CENPU: variants seen among roughly 807,000 people sequenced by gnomAD.
CENPU encodes centromere protein U.
Under a neutral mutation model 56.7 loss-of-function variants are expected in CENPU, and 46 were observed. The ratio of observed to expected loss-of-function variants is 0.81; its 90% CI spans 0.64 to 1.04. The LOEUF (loss-of-function observed/expected upper bound fraction) is 1.04. Among genes scored for constraint, CENPU ranks in the 50% least tolerant of loss-of-function variants. The pLI, the probability that CENPU is intolerant of heterozygous loss-of-function variation, is 0.00. For missense variants in CENPU, 510 were observed against 490.1 expected, an observed-to-expected ratio of 1.04 and a Z score of -0.38; for synonymous variants, 166 against 163.0, an observed-to-expected ratio of 1.02 and a Z score of -0.14.
At chr4:184,701,237 CTCT>C (rs1760524646) in intron 10 of CENPU, among the ~76,000 whole-genome samples, 3 of 152,152 alleles carry the variant, frequency 2.0e-5, no homozygotes, top group African/African-American at 7.2e-5. Context: ...TTGTGATCCA[CTCT>C]GTATTTTAAA....
At chr4:184,732,777 G>A (rs1761695760) in intron 1 of CENPU, among the ~76,000 whole-genome samples, 1 of 152,106 alleles carries the variant, frequency 6.6e-6, no homozygotes, top group South Asian at 2.1e-4. Flanking sequence ...CCCCAGGAGG[G>A]CGGATCACGA....
intron 4 of CENPU, among the ~76,000 whole-genome samples, chr4:184,721,512 T>C (rs1461256928): frequency 1.5e-5 from 2 of 137,616 alleles, no homozygotes; most frequent in African/African-American, 2.8e-5. Flanking sequence ...AAGAAACACA[T>C]TTCACCTATA....
chr4:184,705,573 T>C (rs1290179316), intron 8 of CENPU, among the ~76,000 whole-genome samples: 1 of 142,538 alleles, frequency 7.0e-6, no homozygotes, highest in Non-Finnish European at 1.5e-5. Context: ...AAAGAAGACA[T>C]TTAATTAAAA....
intron 3 of CENPU, among the ~76,000 whole-genome samples, chr4:184,727,562 G>A (rs1039885713): frequency 6.6e-6 from 1 of 152,162 alleles, no homozygotes; most frequent in African/African-American, 2.4e-5. Flanking sequence ...TACTGCCATG[G>A]AATTGTAAAG....
At chr4:184,731,673 C>CG (rs987949326) in intron 1 of CENPU, among the ~76,000 whole-genome samples, 57 of 152,048 alleles carry the variant, frequency 3.7e-4, no homozygotes, top group Non-Finnish European at 7.6e-4. Flanking sequence ...TACAAGGGTA[C>CG]GGGGGGGATA....
At chr4:184,697,021 C>T (rs1344159205) in intron 12 of CENPU, among the ~76,000 whole-genome samples, 1 of 151,906 alleles carries the variant, frequency 6.6e-6, no homozygotes, top group Non-Finnish European at 1.5e-5. Context: ...GCTGGGACTA[C>T]AGGCATACAC....
chr4:184,732,866 G>A (rs1160644825), intron 1 of CENPU, among the ~76,000 whole-genome samples: 1 of 152,102 alleles, frequency 6.6e-6, no homozygotes, highest in East Asian at 1.9e-4. Context: ...GCTGGACGTG[G>A]GGGCGAGCGC....
intron 8 of CENPU, among the ~76,000 whole-genome samples, chr4:184,707,177 C>T (rs1004217912): frequency 6.6e-6 from 1 of 151,026 alleles, no homozygotes; most frequent in African/African-American, 2.5e-5. Flanking sequence ...CCCAAGCTCA[C>T]CCAGAACTAC....
intron 8 of CENPU, among the ~76,000 whole-genome samples, chr4:184,709,342 C>G (rs545616595): frequency 3.9e-5 from 6 of 151,944 alleles, no homozygotes; most frequent in Non-Finnish European, 7.4e-5. Flanking sequence ...CAAAAATTAG[C>G]TGGGCGGGGT....
intron 6 of CENPU, among the ~76,000 whole-genome samples, chr4:184,715,893 C>A (rs895541364): frequency 1.7e-4 from 26 of 151,610 alleles, no homozygotes; most frequent in Admixed American, 3.3e-4. Flanking sequence ...TATGGAATTA[C>A]AGATGATTTT....
intron 6 of CENPU, chr4:184,713,915 C>CT (rs1195064204): frequency 6.6e-6 from 1 of 152,204 alleles, no homozygotes; most frequent in Non-Finnish European, 1.5e-5. Context: ...GGGGGGTGTC[C>CT]TAAGAGTCCT....
chr4:184,730,474 G>T (rs565648642), intron 2 of CENPU, among the ~76,000 whole-genome samples: 63 of 139,244 alleles, frequency 4.5e-4, no homozygotes, highest in Middle Eastern at 3.8e-3. Context: ...CAAGCCACTG[G>T]AAAAAAAAAC....
chr4:184,732,209 CTAAG>C (rs1469899219), intron 1 of CENPU, among the ~76,000 whole-genome samples: 2 of 151,580 alleles, frequency 1.3e-5, no homozygotes, highest in Admixed American at 6.6e-5. Flanking sequence ...CACACGTGTA[CTAAG>C]TGTGATGTAA....
Position 184,713,019 on chromosome 4 carries a change from A to C in CENPU, c.619-6T>G, listed in dbSNP as rs1046824571. On this transcript the variant is annotated splice_polypyrimidine_tract_variant and splice_region_variant and intron_variant, in intron 6 of 12. Coordinates refer to ENST00000281453, the MANE Select transcript of CENPU (RefSeq NM_024629.4). ...TTCCCTTTTTTCTGAGTTTTCTACA[A>C]AAAAAAAAAGCATTAAGTTTTTAAG... 5 of 1,295,664 alleles carry C rather than the reference A, an allele frequency of 3.9e-6. No individual in the cohort carries two copies. Among genetic ancestry groups the C allele is most frequent in the Non-Finnish European group, 3.1e-6 (3 of 970,912 alleles). The allele number at this position is 1,295,664 out of a possible 1,614,324, so 80.3% of individuals were successfully genotyped here. A position where few individuals can be genotyped will look rare whatever the true frequency, so the allele number is the denominator to read the frequency against.
chr4:184,726,976 G>C (rs1434625942), intron 3 of CENPU, among the ~76,000 whole-genome samples: 5 of 9,578 alleles, frequency 5.2e-4, no homozygotes, highest in Non-Finnish European at 2.1e-3. Flanking sequence ...CTGGGGGGTG[G>C]GGGGGGGGGG....
At chr4:184,709,215 G>A (rs1466187432) in intron 8 of CENPU, among the ~76,000 whole-genome samples, 1 of 152,170 alleles carries the variant, frequency 6.6e-6, no homozygotes, top group African/African-American at 2.4e-5. Flanking sequence ...CTGGCCGGGT[G>A]CAGTGGCTCA....
At chr4:184,699,116 A>G (rs1181026921) in intron 11 of CENPU, among the ~76,000 whole-genome samples, 4 of 152,072 alleles carry the variant, frequency 2.6e-5, no homozygotes, top group Admixed American at 2.6e-4. Flanking sequence ...TCACGAGGTC[A>G]GGAGATCCAG....
Position 184,702,125 on chromosome 4 carries a change from G to C in CENPU, c.888C>G (p.Ser296Arg), listed in dbSNP as rs181364548. ...KEQFIKMLKE[S>R]QMLTNLKRKN... Reference sequence around the variant, plus strand: ...TCCTTTTCAGATTTGTCAACATCTGGCTTTCTTTAAGCTACACAAAACAAA... The same window carrying C: ...TCCTTTTCAGATTTGTCAACATCTGCCTTTCTTTAAGCTACACAAAACAAA... Residue 296 changes from serine (S) to arginine (R), a missense_variant, in exon 10 of 13, where the codon AGC (serine) becomes AGG (arginine). Coordinates refer to ENST00000281453, the MANE Select transcript of CENPU (RefSeq NM_024629.4). 1 of 1,607,386 alleles carries C rather than the reference G, an allele frequency of 6.2e-7. No individual in the cohort carries two copies. Among genetic ancestry groups the C allele is most frequent in the East Asian group, 2.2e-5 (1 of 44,788 alleles).
chr4:184,694,367 C>T lies in CENPU; in HGVS notation c.*921G>A. On this transcript the variant is annotated 3_prime_UTR_variant, in exon 13 of 13. Coordinates refer to ENST00000281453, the MANE Select transcript of CENPU (RefSeq NM_024629.4). ...ACGTTTGAATCAGTGCACTCATTCC[C>T]ACGGTGAGATATCGGAGACAGCATT... 1.3e-5 allele frequency: 18 copies of T among 1,408,924 alleles called. No individual in the cohort carries two copies. The highest frequency in any genetic ancestry group is 1.6e-5 in the South Asian group (1 of 60,884). 87.3% of individuals were successfully genotyped at this position (1,408,924 alleles called of 1,614,324 possible).
Sources: allele counts gnomAD v4.1 joint callset (sites outside exome capture counted in the v4.1 genomes callset), GRCh38; gene constraint gnomAD v4.1.1; transcripts MANE v1.5; gene names NCBI Gene and HGNC (gene_info 2026-07-23, HGNC 2026-07-21).